PRKG1: variants seen among roughly 807,000 people sequenced by gnomAD.
The protein encoded by PRKG1 is cGMP-dependent protein kinase 1.
In PRKG1, 35 loss-of-function variants were observed where a neutral mutation model predicts 88.1. That is an observed-to-expected ratio of 0.40 (90% CI 0.30 to 0.53). The LOEUF is 0.53. PRKG1 is among the 20% of genes least tolerant of loss of function. The pLI, the probability that PRKG1 is intolerant of heterozygous loss-of-function variation, is 0.59. For synonymous variants in PRKG1, 303 were observed against 292.5 expected (o/e 1.04, Z -0.37); for missense variants, 540 against 839.8 (o/e 0.64, Z 4.41).
chr10:51,943,793 A>C (rs1039869469), intron 5 of PRKG1, among the ~76,000 whole-genome samples: 1 of 151,990 alleles, frequency 6.6e-6, no homozygotes, highest in East Asian at 1.9e-4. Context: ...CTTGCTTCCC[A>C]GGGATGAAGC....
At chr10:52,034,501 G>C (rs140589168) in intron 5 of PRKG1, among the ~76,000 whole-genome samples, 2,204 of 152,048 alleles carry the variant, frequency 0.014, 35 homozygotes, top group South Asian at 0.027. Context: ...TGGAATAAAG[G>C]AAGGAGAAAA....
At chr10:51,473,369 C>T (rs1840104638) in intron 3 of PRKG1, among the ~76,000 whole-genome samples, 1 of 151,716 alleles carries the variant, frequency 6.6e-6, no homozygotes, top group Admixed American at 6.6e-5. Context: ...TATTATTGAA[C>T]TATATTTTTT....
chr10:51,689,291 A>C (rs1037535566), intron 3 of PRKG1, among the ~76,000 whole-genome samples: 7 of 150,344 alleles, frequency 4.7e-5, no homozygotes, highest in Non-Finnish European at 1.0e-4. Flanking sequence ...CATTCAAGAT[A>C]GTTTTCAGAG....
intron 2 of PRKG1, among the ~76,000 whole-genome samples, chr10:51,410,903 C>T (rs1247926934): frequency 1.3e-5 from 2 of 151,710 alleles, no homozygotes; most frequent in Admixed American, 6.6e-5. Flanking sequence ...TTAATGGCTA[C>T]ACATTTATTT....
At chr10:51,116,137 T>A (rs1375070080) in intron 1 of PRKG1, among the ~76,000 whole-genome samples, 1 of 152,146 alleles carries the variant, frequency 6.6e-6, no homozygotes, top group East Asian at 1.9e-4. Flanking sequence ...TTTGCTTAAT[T>A]TACTTGAGGC....
intron 1 of PRKG1, among the ~76,000 whole-genome samples, chr10:51,101,103 G>A (rs138892477): frequency 9.7e-4 from 148 of 152,148 alleles, no homozygotes; most frequent in African/African-American, 3.2e-3. Flanking sequence ...TACCCCACAC[G>A]AGAATTCATA....
intron 7 of PRKG1, among the ~76,000 whole-genome samples, chr10:52,087,415 T>C (rs562827749): frequency 6.6e-6 from 1 of 152,166 alleles, no homozygotes; most frequent in Admixed American, 6.5e-5. Flanking sequence ...AAAATTTATC[T>C]TTTTTTGAGA....
At chr10:52,000,000 C>A in intron 5 of PRKG1, among the ~76,000 whole-genome samples, 1 of 152,020 alleles carries the variant, frequency 6.6e-6, no homozygotes, top group East Asian at 1.9e-4. Context: ...TTTTAATGTA[C>A]TATGGAATAT....
chr10:51,228,488 T>C (rs1022874780), intron 2 of PRKG1, among the ~76,000 whole-genome samples: 1 of 152,234 alleles, frequency 6.6e-6, no homozygotes, highest in African/African-American at 2.4e-5. Flanking sequence ...ACTCTTCATA[T>C]GTAATCCTGT....
rs150113730 is a variant in PRKG1, at chr10:51,804,369, C to T, written c.593-216C>T. 2.9e-3 allele frequency among the ~76,000 whole-genome samples: 437 copies of T among 152,014 alleles called. 2 individuals are homozygous for T. The highest frequency in any genetic ancestry group is 0.01 in the African/African-American group (416 of 41,480). ...GGAATCTTCCTAGTAGATAATAATG[C>T]GAGTATGGAAAATTATGAACTACAT... On this transcript the variant is annotated intron_variant, in intron 3 of 17. Coordinates refer to ENST00000373980, the MANE Select transcript of PRKG1 (RefSeq NM_006258.4).
rs142838670 is a variant in PRKG1 at position 51,806,252 on chromosome 10, C to T, written c.698+1562C>T. ...CACATACCTAAGCGTTGGACACTTA[C>T]GATGTTGATTTTAGCTTCCATAAGT... On this transcript the variant is annotated intron_variant, in intron 4 of 17. Transcript: ENST00000373980. 3.6e-4 allele frequency among the ~76,000 whole-genome samples: 55 copies of T among 152,266 alleles called. No individual in the cohort carries two copies. In the Middle Eastern group the frequency reaches 0.014, roughly 38 times the overall value.
At chr10:51,536,801 T>TC (rs548643120) in intron 3 of PRKG1, among the ~76,000 whole-genome samples, 1 of 86,260 alleles carries the variant, frequency 1.2e-5, no homozygotes, top group African/African-American at 4.6e-5. Flanking sequence ...CCCTCACCCC[T>TC]CCCCCCACCC....
intron 2 of PRKG1, among the ~76,000 whole-genome samples, chr10:51,316,032 A>T (rs980060226): frequency 6.6e-6 from 1 of 152,238 alleles, no homozygotes; most frequent in African/African-American, 2.4e-5. Context: ...CAATGAAAAT[A>T]CTAACCAGTA....
Position 51,341,016 on chromosome 10 carries a change from A to G in PRKG1, c.479-126707A>G, listed in dbSNP as rs1464468717. 3.9e-5 allele frequency among the ~76,000 whole-genome samples: 6 copies of G among 152,290 alleles called. No homozygotes were observed. In the East Asian group the frequency reaches 1.2e-3, roughly 29 times the overall value. ...GCTAATTCAAAATATCCATTCATCC[A>G]AAGAGTCTCTACTCCATACACTTGG... On this transcript the variant is annotated intron_variant, in intron 2 of 17. Transcript: ENST00000373980.
chr10:51,551,864 A>G (rs1424148630), intron 3 of PRKG1, among the ~76,000 whole-genome samples: 3 of 151,752 alleles, frequency 2.0e-5, no homozygotes, highest in Admixed American at 6.6e-5. Flanking sequence ...GCTTTGATTC[A>G]CTTTTTAAGA....
chr10:51,381,307 G>GAA (rs1374343402), intron 2 of PRKG1, among the ~76,000 whole-genome samples: 2 of 78,216 alleles, frequency 2.6e-5, no homozygotes, highest in Non-Finnish European at 2.7e-5. Flanking sequence ...AAAAGGAAAT[G>GAA]AAAAAAGTAT....
chr10:51,538,435 T>C (rs75196595), intron 3 of PRKG1, among the ~76,000 whole-genome samples: 2 of 77,728 alleles, frequency 2.6e-5, no homozygotes, highest in Non-Finnish European at 2.9e-5. Flanking sequence ...ATATGATATA[T>C]AATAATGTAT....
chr10:51,025,718 G>A (rs574723611), intron 1 of PRKG1, among the ~76,000 whole-genome samples: 2 of 152,214 alleles, frequency 1.3e-5, no homozygotes, highest in East Asian at 3.9e-4. Flanking sequence ...ACTGTTCCAG[G>A]CATAGCTTTA....
intron 7 of PRKG1, among the ~76,000 whole-genome samples, chr10:52,095,470 CTG>C (rs1488221310): frequency 6.6e-6 from 1 of 152,114 alleles, no homozygotes; most frequent in Non-Finnish European, 1.5e-5. Context: ...CACCTCCTAA[CTG>C]TGCCCTCCCT....
Sources: allele counts gnomAD v4.1 joint callset (sites outside exome capture counted in the v4.1 genomes callset), GRCh38; gene constraint gnomAD v4.1.1; transcripts MANE v1.5; gene names NCBI Gene and HGNC (gene_info 2026-07-23, HGNC 2026-07-21).